Variants in CPNE4 observed in about 807,000 individuals in gnomAD.
CPNE4 encodes copine 4.
Under a neutral mutation model 67.9 loss-of-function variants are expected in CPNE4, and 25 were observed. That is an observed-to-expected ratio of 0.37 (90% confidence interval 0.27 to 0.51). CPNE4 has a LOEUF of 0.51. Ranked by LOEUF, CPNE4 falls within the 20% of genes least tolerant of loss-of-function variation. CPNE4 has a pLI of 0.93. For synonymous variants in CPNE4, 242 were observed against 244.9 expected, an observed-to-expected ratio of 0.99 and a Z score of 0.11; for missense variants, 464 against 690.8, an observed-to-expected ratio of 0.67 and a Z score of 3.68.
At chr3:131,906,507 G>GT (rs1244619945) in intron 1 of CPNE4, among the ~76,000 whole-genome samples, 2 of 149,030 alleles carry the variant, frequency 1.3e-5, no homozygotes, top group East Asian at 2.0e-4. Context: ...GCGGTGTTTG[G>GT]TTTTTTGTTC....
intron 1 of CPNE4, among the ~76,000 whole-genome samples, chr3:131,967,571 C>A (rs12695567): frequency 0.33 from 49,901 of 151,772 alleles, 9,139 homozygotes; most frequent in Non-Finnish European, 0.42. Context: ...CATTCCTATA[C>A]ACCAATAATA....
At chr3:131,562,741 T>C (rs1559901667) in intron 11 of CPNE4, among the ~76,000 whole-genome samples, 1 of 152,010 alleles carries the variant, frequency 6.6e-6, no homozygotes, top group Non-Finnish European at 1.5e-5. Context: ...CTTCATATGA[T>C]ATAAACCTCT....
In CPNE4 at chr3:131,534,063, G is replaced by C. The variant is rs1437443632; in HGVS notation, c.*1132C>G. On this transcript the variant is annotated 3_prime_UTR_variant, in exon 16 of 16. Coordinates refer to ENST00000429747, the MANE Select transcript of CPNE4 (RefSeq NM_130808.3). ...AGGTCAATTTAGTGGACCAGATATC[G>C]GGAGCTGTACTGCATAGCCATTTGC... 6.6e-6 allele frequency: 1 copy of C among 152,122 alleles called. No homozygotes were observed. Among genetic ancestry groups the C allele is most frequent in the Admixed American group, 6.5e-5 (1 of 15,280 alleles). The allele number at this position is 152,122 out of a possible 1,614,324, so 9.4% of individuals were successfully genotyped here.
At chr3:131,670,775 A>G (rs1322795792) in intron 6 of CPNE4, among the ~76,000 whole-genome samples, 1 of 151,734 alleles carries the variant, frequency 6.6e-6, no homozygotes, top group African/African-American at 2.4e-5. Flanking sequence ...TGATTTTTCT[A>G]CTTAGGAAGT....
chr3:131,563,882 G>T (rs1248084610), intron 11 of CPNE4, among the ~76,000 whole-genome samples: 1 of 152,020 alleles, frequency 6.6e-6, no homozygotes, highest in East Asian at 1.9e-4. Flanking sequence ...CTTGTTAAAT[G>T]CAGATTCAAA....
chr3:131,746,519 T>C (rs1380338576), intron 2 of CPNE4, among the ~76,000 whole-genome samples: 1 of 152,112 alleles, frequency 6.6e-6, no homozygotes, highest in Non-Finnish European at 1.5e-5. Context: ...TGAGATAAGG[T>C]GGTATCTGTC....
At chr3:131,743,852 A>T (rs368439378) in intron 2 of CPNE4, among the ~76,000 whole-genome samples, 2 of 147,136 alleles carry the variant, frequency 1.4e-5, no homozygotes, top group Admixed American at 7.0e-5. Flanking sequence ...AGTCCCAGCT[A>T]CTCGGGAGGC....
chr3:131,546,594 T>A (rs1935852512), intron 14 of CPNE4, among the ~76,000 whole-genome samples: 1 of 152,146 alleles, frequency 6.6e-6, no homozygotes, highest in Non-Finnish European at 1.5e-5. Context: ...TATGGAGATG[T>A]GTGGGTTGGA....
At chr3:131,687,067 T>C (rs1316373554) in intron 5 of CPNE4, among the ~76,000 whole-genome samples, 1 of 152,238 alleles carries the variant, frequency 6.6e-6, no homozygotes, top group Non-Finnish European at 1.5e-5. Context: ...ACAGAATGTC[T>C]TAAGCACCTC....
At chr3:131,788,867 T>A (rs1011209597) in intron 2 of CPNE4, among the ~76,000 whole-genome samples, 10 of 152,152 alleles carry the variant, frequency 6.6e-5, no homozygotes, top group African/African-American at 1.7e-4. Context: ...CATATATATA[T>A]AATACTAACA....
intron 2 of CPNE4, among the ~76,000 whole-genome samples, chr3:131,875,557 C>G (rs1240646716): frequency 1.3e-5 from 2 of 152,126 alleles, no homozygotes; most frequent in African/African-American, 2.4e-5. Context: ...TGGAAACCAT[C>G]ATTCTCAGCA....
intron 2 of CPNE4, among the ~76,000 whole-genome samples, chr3:131,734,100 C>T (rs1044569292): frequency 6.6e-6 from 1 of 152,154 alleles, no homozygotes; most frequent in African/African-American, 2.4e-5. Context: ...AATTTTTGTC[C>T]TGCTTATTAG....
At chr3:131,938,104 TC>T (rs140123546) in intron 1 of CPNE4, among the ~76,000 whole-genome samples, 26,644 of 152,038 alleles carry the variant, frequency 0.18, 2,649 homozygotes, top group East Asian at 0.31. Flanking sequence ...ACAGATATAA[TC>T]CCAGCACTTT....
At chr3:131,563,751 C>T (rs1936911550) in intron 11 of CPNE4, among the ~76,000 whole-genome samples, 1 of 151,980 alleles carries the variant, frequency 6.6e-6, no homozygotes, top group Admixed American at 6.6e-5. Context: ...ACCTCCTGTA[C>T]AGTATTCCCT....
chr3:131,721,029 C>A (rs1186922509), intron 3 of CPNE4, among the ~76,000 whole-genome samples: 1 of 152,230 alleles, frequency 6.6e-6, no homozygotes, highest in Non-Finnish European at 1.5e-5. Context: ...TTTGATCCCT[C>A]TCTCTGCCTG....
intron 2 of CPNE4, among the ~76,000 whole-genome samples, chr3:131,766,389 G>C (rs1237919864): frequency 1.3e-5 from 2 of 152,140 alleles, no homozygotes; most frequent in Non-Finnish European, 2.9e-5. Context: ...GAAAAACACT[G>C]AGAGGCTTAG....
chr3:131,617,480 G>A (rs1194808537), intron 7 of CPNE4, among the ~76,000 whole-genome samples: 1 of 152,116 alleles, frequency 6.6e-6, no homozygotes, highest in Non-Finnish European at 1.5e-5. Flanking sequence ...CGGAGGTGAG[G>A]CCTCTTTTTT....
intron 2 of CPNE4, among the ~76,000 whole-genome samples, chr3:131,783,017 C>A (rs926895439): frequency 6.6e-6 from 1 of 152,002 alleles, no homozygotes; most frequent in Admixed American, 6.6e-5. Context: ...GGAGAGAAAA[C>A]CACAATGATT....
At chr3:131,922,123 A>T (rs969028680) in intron 1 of CPNE4, among the ~76,000 whole-genome samples, 2 of 152,178 alleles carry the variant, frequency 1.3e-5, no homozygotes, top group Non-Finnish European at 2.9e-5. Context: ...ATCTTTACGT[A>T]CATGAGTACC....
Sources: gnomAD v4.1 joint callset for allele counts (sites outside exome capture counted in the v4.1 genomes callset) on GRCh38, gnomAD v4.1.1 for gene constraint, MANE v1.5 for transcripts, NCBI Gene and HGNC (gene_info 2026-07-23, HGNC 2026-07-21) for gene names.